ADAMTS13: variants seen among roughly 807,000 people sequenced by gnomAD.
ADAMTS13 encodes A disintegrin and metalloproteinase with thrombospondin motifs 13.
A neutral mutation model predicts 155.1 loss-of-function variants in ADAMTS13; 110 were observed. The observed-to-expected ratio is 0.71, with a 90% CI of 0.61 to 0.83. ADAMTS13 has a LOEUF of 0.83. Among genes scored for constraint, ADAMTS13 ranks in the 40% least tolerant of loss-of-function variants. The pLI is 0.00. For missense variants in ADAMTS13, 1,707 were observed against 1,891.7 expected (o/e 0.90, Z 1.81); for synonymous variants, 758 against 756.4 (o/e 1.00, Z -0.03).
At position 133,439,427 on chromosome 9, in the gene ADAMTS13, G is replaced by T. The variant is rs372789831; in HGVS notation, c.1767G>T (p.Arg589Ser). ...CCAGTGTCTACATTGCCAACCACAGGCCTCTCTTCACACACTTGGGTGAGT... is the reference window on the plus strand; with the variant it reads ...CCAGTGTCTACATTGCCAACCACAGTCCTCTCTTCACACACTTGGGTGAGT... ...NLTSVYIANH[R>S]PLFTHLAVRI... Residue 589 changes from arginine to serine, a missense_variant, in exon 15 of 29, where the codon AGG (arginine) becomes AGT (serine). By Grantham distance (110) the Arg-to-Ser change is moderately radical (BLOSUM62 -1). Transcript: ENST00000355699. 3 of 1,614,024 alleles carry T rather than the reference G, an allele frequency of 1.9e-6. No individual in the cohort carries two copies. The highest frequency in any genetic ancestry group is 2.2e-5 in the South Asian group (2 of 91,088).
rs370157837 is a variant in ADAMTS13, at chr9:133,456,680, C to T, written c.3685C>T (p.Arg1229Trp). The change falls in exon 27 of 29, where the codon CGG (arginine) becomes TGG (tryptophan). Residue 1229 changes from arginine (R) to tryptophan (W), a missense_variant. By Grantham distance (101) the Arg-to-Trp change is moderately radical (BLOSUM62 -3). Transcript: ENST00000355699. This position sits in a 1 kb window ranked among gnomAD's most constrained non-coding sequence, Gnocchi z 4.4. ...GCGGCCAGGAGGTGGGGTGCTGCTGCGGTATGGGAGCCAGCTTGCTCCTGA... is the reference window on the plus strand; with the variant it reads ...GCGGCCAGGAGGTGGGGTGCTGCTGTGGTATGGGAGCCAGCTTGCTCCTGA... Reference protein sequence around the residue: ...CGRPGGGVLLRYGSQLAPETF... With the variant: ...CGRPGGGVLLWYGSQLAPETF... 6.9e-6 allele frequency: 11 copies of T among 1,588,838 alleles called. No individual in the cohort carries two copies. Among genetic ancestry groups the T allele is most frequent in the South Asian group, 3.4e-5 (3 of 87,976 alleles).
intron 11 of ADAMTS13, among the ~76,000 whole-genome samples, 180 bp downstream of exon 11, chr9:133,433,884 T>C (rs909091795): frequency 2.6e-5 from 4 of 151,946 alleles, no homozygotes; most frequent in African/African-American, 9.7e-5. Flanking sequence ...TCACCTGAGG[T>C]CAGGGGTTCA....
At chr9:133,449,604 C>T (rs1282424303) in intron 22 of ADAMTS13, among the ~76,000 whole-genome samples, 179 bp from the exon 23 acceptor site, 1 of 152,216 alleles carries the variant, frequency 6.6e-6, no homozygotes, top group Non-Finnish European at 1.5e-5. Context: ...TCCAAATGTT[C>T]TGTCCACTCT....
intron 2 of ADAMTS13, 107 bp downstream of exon 2, chr9:133,423,274 A>G (rs2130773158): frequency 9.5e-7 from 1 of 1,050,250 alleles, no homozygotes; most frequent in East Asian, 2.4e-5. Context: ...CTGGAAGGAG[A>G]AGGTCAGAGA....
At position 133,445,599 on chromosome 9, in the gene ADAMTS13, A is replaced by G; in HGVS notation, c.2611-100A>G. 2 of 1,590,538 alleles carry G rather than the reference A, an allele frequency of 1.3e-6. No individual in the cohort carries two copies. Among genetic ancestry groups the G allele is most frequent in the South Asian group, 1.1e-5 (1 of 89,360 alleles). The stretch of plus-strand genomic sequence containing the variant: ...AGGGAGCCCCTGGTGCACACACGCC[A>G]CTTCCTGGTCTCTCTGCTGCTGCCT... On this transcript the variant is annotated intron_variant, in intron 20 of 28. Coordinates refer to ENST00000355699, the MANE Select transcript of ADAMTS13 (RefSeq NM_139027.6). The surrounding 1 kb of genome is among the most constrained non-coding windows in gnomAD (Gnocchi z 5.0).
At position 133,442,464 on chromosome 9, in the gene ADAMTS13, C is replaced by G. The variant is rs587765025; in HGVS notation, c.2034C>G (p.Phe678Leu). 3 of 1,613,896 alleles carry G rather than the reference C, an allele frequency of 1.9e-6. No individual in the cohort carries two copies. The highest frequency in any genetic ancestry group is 2.7e-5 in the African/African-American group (2 of 75,072). Residue 678 changes from phenylalanine to leucine, a missense_variant, in exon 17 of 29, where the codon TTC becomes TTG. Phe to Leu is a conservative substitution (Grantham distance 22). Coordinates refer to ENST00000355699, the MANE Select transcript of ADAMTS13 (RefSeq NM_139027.6). ...GCCCAGACATCACCTTCACCTACTT[C>G]CAGCCTAAGCCACGGCAGGCCTGGG... ...LTRPDITFTY[F>L]QPKPRQAWVW...
chr9:133,429,839 C>T, intron 7 of ADAMTS13, 100 bp from the exon 8 acceptor site: 1 of 1,461,478 alleles, frequency 6.8e-7, no homozygotes. Flanking sequence ...CAAAAGGCCA[C>T]GCTTCCAAAC....
chr9:133,429,947 G>A lies in ADAMTS13; in HGVS notation c.833G>A (p.Arg278Gln). Reference sequence around the variant, plus strand: ...GCCGGGCCTTGTCGCAGCGCAGGACGGGCGCGCTGCGTGTGGGACCCGCCG... The same window carrying A: ...GCCGGGCCTTGTCGCAGCGCAGGACAGGCGCGCTGCGTGTGGGACCCGCCG... ...RQLLSLLSAG[R>Q]ARCVWDPPRP... Residue 278 changes from arginine to glutamine, a missense_variant, in exon 8 of 29, where the codon CGG becomes CAG. Arg to Gln is a conservative substitution (Grantham distance 43). This residue lies in a region of ADAMTS13 where 733 missense variants were observed against 749.6 expected (regional missense o/e 0.98). Transcript: ENST00000355699. The A allele has an allele frequency of 4.6e-6, 7 of 1,535,310 alleles. No individual in the cohort carries two copies. The highest frequency in any genetic ancestry group is 2.4e-5 in the East Asian group (1 of 40,826).
chr9:133,457,815 C>A, intron 27 of ADAMTS13, 95 bp from the exon 28 acceptor site: 1 of 1,507,308 alleles, frequency 6.6e-7, no homozygotes, highest in Non-Finnish European at 9.2e-7. Flanking sequence ...ACCACAGTGC[C>A]ATGCTGCCCT....
At chr9:133,430,466 C>G (rs1049553803) in intron 8 of ADAMTS13, among the ~76,000 whole-genome samples, 1 of 152,056 alleles carries the variant, frequency 6.6e-6, no homozygotes, top group Non-Finnish European at 1.5e-5. Flanking sequence ...GGCCTCTAAA[C>G]TGAACCCACA....
intron 6 of ADAMTS13, among the ~76,000 whole-genome samples, chr9:133,428,030 C>T (rs781876067): frequency 2.6e-5 from 4 of 152,138 alleles, no homozygotes; most frequent in Admixed American, 6.5e-5. Context: ...AGTGTCCAAG[C>T]GGGGCCTCCA....
At chr9:133,448,426 A>G (rs587725930) in intron 21 of ADAMTS13, among the ~76,000 whole-genome samples, 173 bp from the exon 22 acceptor site, 1 of 152,250 alleles carries the variant, frequency 6.6e-6, no homozygotes, top group South Asian at 2.1e-4. Context: ...TTTTTTCTAA[A>G]TCTAAGATTC....
At position 133,445,330 on chromosome 9, in the gene ADAMTS13, G is replaced by C. The variant is rs587606078; in HGVS notation, c.2610+278G>C. Among the ~76,000 whole-genome samples, 1 of 152,330 alleles carries C rather than the reference G, an allele frequency of 6.6e-6. No individual in the cohort carries two copies. Among genetic ancestry groups the C allele is most frequent in the East Asian group, 1.9e-4 (1 of 5,184 alleles). On this transcript the variant is annotated intron_variant, in intron 20 of 28. Transcript: ENST00000355699. The surrounding 1 kb of genome is among the most constrained non-coding windows in gnomAD (Gnocchi z 5.0). ...TGCAGAGAAATGCTGCCAGGCTCCCGCCTGGCGTCCAGGGGCTGGAGGCTG... is the reference window on the plus strand; with the variant it reads ...TGCAGAGAAATGCTGCCAGGCTCCCCCCTGGCGTCCAGGGGCTGGAGGCTG...
At chr9:133,434,958 C>T (rs970611012) in intron 11 of ADAMTS13, among the ~76,000 whole-genome samples, 1 of 152,178 alleles carries the variant, frequency 6.6e-6, no homozygotes, top group Non-Finnish European at 1.5e-5. Flanking sequence ...CCTGTGTCAG[C>T]GCCTCATTCC....
At chr9:133,450,895 G>A (rs1554794178) in intron 23 of ADAMTS13, among the ~76,000 whole-genome samples, 1 of 152,234 alleles carries the variant, frequency 6.6e-6, no homozygotes, top group African/African-American at 2.4e-5. Flanking sequence ...GCAGTGTGGG[G>A]AGGCCTGGGG....
At position 133,456,465 on chromosome 9, in the gene ADAMTS13, G is replaced by T; in HGVS notation, c.3548-78G>T. The T allele has an allele frequency of 6.4e-7, 1 of 1,556,440 alleles. No individual in the cohort carries two copies. Among genetic ancestry groups the T allele is most frequent in the Non-Finnish European group, 8.7e-7 (1 of 1,144,708 alleles). On this transcript the variant is annotated intron_variant, in intron 26 of 28. Transcript: ENST00000355699. This position sits in a 1 kb window ranked among gnomAD's most constrained non-coding sequence, Gnocchi z 4.4. The stretch of plus-strand genomic sequence containing the variant: ...GTGGGAGAGGTGGGACTTGAACTCG[G>T]CTCAGTCTACCCTGGAGCCACTCCT...
chr9:133,425,828 CG>C lies in ADAMTS13; in HGVS notation c.415-107del. ...AGCCTCAGTTGTCTCATCCCTAACA[CG>C]GGCTAGTCATAGGGTTGTTAGGAGG... On this transcript the variant is annotated intron_variant, in intron 4 of 28. Coordinates refer to ENST00000355699, the MANE Select transcript of ADAMTS13 (RefSeq NM_139027.6). The surrounding 1 kb of genome is among the most constrained non-coding windows in gnomAD (Gnocchi z 4.6). 6.5e-7 allele frequency: 1 copy of C among 1,539,488 alleles called. No individual in the cohort carries two copies. The highest frequency in any genetic ancestry group is 1.2e-5 in the South Asian group (1 of 84,746).
intron 23 of ADAMTS13, among the ~76,000 whole-genome samples, 199 bp from the exon 24 acceptor site, chr9:133,454,215 AG>A (rs1223443681): frequency 2.6e-5 from 4 of 152,160 alleles, no homozygotes. Context: ...TCTTCCCCCT[AG>A]GGCCTTTTGG....
At position 133,422,401 on chromosome 9, in the gene ADAMTS13, C is replaced by T; in HGVS notation, c.-43C>T. On this transcript the variant is annotated 5_prime_UTR_variant, in exon 1 of 29. Coordinates refer to ENST00000355699, the MANE Select transcript of ADAMTS13 (RefSeq NM_139027.6). ...TGACCAGATTCCCAGTCACCAAGGC[C>T]CCCTCTCACTCCGCTCCACTCCTCG... 6.4e-7 allele frequency: 1 copy of T among 1,565,808 alleles called. No homozygotes were observed. The highest frequency in any genetic ancestry group is 8.8e-7 in the Non-Finnish European group (1 of 1,140,342).
Sources: allele counts gnomAD v4.1 joint callset (sites outside exome capture counted in the v4.1 genomes callset), GRCh38; gene constraint gnomAD v4.1.1; regional missense constraint gnomAD v4.1.1; non-coding constraint Gnocchi (gnomAD v3.1); transcripts MANE v1.5; gene names NCBI Gene and HGNC (gene_info 2026-07-23, HGNC 2026-07-21).